The following RPS6KA2 variants were observed in gnomAD, a reference collection of about 807,000 sequenced individuals.
The protein encoded by RPS6KA2 is ribosomal protein S6 kinase A2.
A neutral mutation model predicts 91.8 loss-of-function variants in RPS6KA2; 42 were observed. The observed-to-expected ratio is 0.46, with a 90% CI of 0.36 to 0.59. The LOEUF (loss-of-function observed/expected upper bound fraction) is 0.59. Among genes scored for constraint, RPS6KA2 ranks in the 20% least tolerant of loss-of-function variants. The pLI, the probability that RPS6KA2 is intolerant of heterozygous loss-of-function variation, is 0.00. For missense variants in RPS6KA2, 798 were observed against 978.5 expected (o/e 0.82, Z 2.46); for synonymous variants, 414 against 393.6 (o/e 1.05, Z -0.61).
chr6:166,839,693 GGGAGGAGAGGA>G (rs1780413795), intron 2 of RPS6KA2, among the ~76,000 whole-genome samples: 1 of 114,632 alleles, frequency 8.7e-6, no homozygotes, highest in African/African-American at 3.4e-5. Context: ...GAGAGGAGAG[GGGAGGAGAGGA>G]GAGGAGAGGA....
At chr6:166,710,080 C>T (rs1241207314) in intron 2 of RPS6KA2, among the ~76,000 whole-genome samples, 2 of 152,220 alleles carry the variant, frequency 1.3e-5, no homozygotes, top group East Asian at 1.9e-4. Flanking sequence ...CTGTTCACTT[C>T]TTAAATTATC....
At chr6:166,659,072 C>A (rs1363521940) in intron 2 of RPS6KA2, among the ~76,000 whole-genome samples, 1 of 151,044 alleles carries the variant, frequency 6.6e-6, no homozygotes, top group Non-Finnish European at 1.5e-5. Flanking sequence ...AACACCCCCC[C>A]TTTTGTGGCG....
chr6:166,734,835 A>G (rs192669377), intron 2 of RPS6KA2, among the ~76,000 whole-genome samples: 40 of 152,308 alleles, frequency 2.6e-4, no homozygotes, highest in African/African-American at 8.9e-4. Context: ...TTTGTCTCAT[A>G]AAATGTTAAA....
intron 2 of RPS6KA2, among the ~76,000 whole-genome samples, chr6:166,836,078 T>A (rs2128628039): frequency 6.6e-6 from 1 of 152,308 alleles, no homozygotes; most frequent in East Asian, 1.9e-4. Flanking sequence ...AAGTTCTACT[T>A]TTTTATGATG....
In RPS6KA2 at chr6:166,445,008, T is replaced by C. The variant is rs1369730241; in HGVS notation, c.1332+3716A>G. On this transcript the variant is annotated intron_variant, in intron 14 of 20. Transcript: ENST00000265678. This position sits in a 1 kb window ranked among gnomAD's most constrained non-coding sequence, Gnocchi z 4.5. Reference sequence around the variant, plus strand: ...ACTGGTTTCAGTAGAACCTTAAATGTAGTTTACGTTATTCAGGGTAATTAT... The same window carrying C: ...ACTGGTTTCAGTAGAACCTTAAATGCAGTTTACGTTATTCAGGGTAATTAT... Among the ~76,000 whole-genome samples the C allele has an allele frequency of 6.6e-6, 1 of 152,222 alleles. No homozygotes were observed. The highest frequency in any genetic ancestry group is 1.5e-5 in the Non-Finnish European group (1 of 68,042).
In RPS6KA2 at chr6:166,448,999, G is replaced by C; in HGVS notation, c.1207-150C>G. The C allele has an allele frequency of 1.2e-6, 1 of 840,398 alleles. No homozygotes were observed. The highest frequency in any genetic ancestry group is 1.9e-6 in the Non-Finnish European group (1 of 536,778). The allele number at this position is 840,398 out of a possible 1,614,324, so 52.1% of individuals were successfully genotyped here. On this transcript the variant is annotated intron_variant, in intron 13 of 20. Coordinates refer to ENST00000265678, the MANE Select transcript of RPS6KA2 (RefSeq NM_021135.6). The surrounding 1 kb of genome is among the most constrained non-coding windows in gnomAD (Gnocchi z 4.7). ...GGAGCTCATGGGTCCCCCTGCCCAA[G>C]GCTGCAGAGCTACTTAGTGATGTTC...
In RPS6KA2 at chr6:166,430,606, A is replaced by G. The variant is rs1374549686; in HGVS notation, c.1428T>C (p.Tyr476=). The stretch of plus-strand genomic sequence containing the variant: ...CCAGGTACACAAACTTGCCATCATC[A>G]TAGACCTGCGGAGTGGAGAAGGGGC... ...HPNIITLKDV[Y]DDGKFVYLVM... The change falls in exon 16 of 21, where the codon TAT becomes TAC. Residue 476 remains tyrosine, a synonymous_variant. Coordinates refer to ENST00000265678, the MANE Select transcript of RPS6KA2 (RefSeq NM_021135.6). 17 of 1,612,828 alleles carry G rather than the reference A, an allele frequency of 1.1e-5. No individual in the cohort carries two copies. The Admixed American group carries it at 2.8e-4, about 27-fold the overall frequency.
rs1781706240 is a variant in RPS6KA2, at chr6:166,494,287, G to C, written c.748-3546C>G. On this transcript the variant is annotated intron_variant, in intron 8 of 20. Transcript: ENST00000265678. This position sits in a 1 kb window ranked among gnomAD's most constrained non-coding sequence, Gnocchi z 5.1. The stretch of plus-strand genomic sequence containing the variant: ...CTCCGTGTGCTGCACCCCACTCCGA[G>C]TGCCAAGAATCTCAGTCTCAAAACA... 6.6e-6 allele frequency among the ~76,000 whole-genome samples: 1 copy of C among 152,162 alleles called. No individual in the cohort carries two copies. The highest frequency in any genetic ancestry group is 1.5e-5 in the Non-Finnish European group (1 of 68,036).
At chr6:166,620,600 T>G (rs890291460) in intron 1 of RPS6KA2, among the ~76,000 whole-genome samples, 1 of 152,226 alleles carries the variant, frequency 6.6e-6, no homozygotes, top group Non-Finnish European at 1.5e-5. Context: ...AGATGTGTAT[T>G]CAAAGGGGCA....
At chr6:166,630,324 C>T (rs1477020762), upstream of RPS6KA2, among the ~76,000 whole-genome samples, 1 of 152,252 alleles carries the variant, frequency 6.6e-6, no homozygotes, top group Non-Finnish European at 1.5e-5. Flanking sequence ...TCAAGTACCA[C>T]AAATGTCTGT....
rs532453580 is a variant in RPS6KA2, at chr6:166,662,105, T to C, written c.124-123321A>G. 6.6e-6 allele frequency among the ~76,000 whole-genome samples: 1 copy of C among 152,386 alleles called. No individual in the cohort carries two copies. Among genetic ancestry groups the C allele is most frequent in the Admixed American group, 6.5e-5 (1 of 15,308 alleles). On this transcript the variant is annotated intron_variant, in intron 2 of 21. Transcript: ENST00000503859. This position sits in a 1 kb window ranked among gnomAD's most constrained non-coding sequence, Gnocchi z 4.3. ...GTAAAGATAGGGGTTGTTTATCATA[T>C]TATGAATATTTCTTAATTTTTACCT...
intron 12 of RPS6KA2, 34 bp from the exon 13 acceptor site, chr6:166,451,267 G>A (rs1313689377): frequency 2.5e-6 from 4 of 1,611,748 alleles, no homozygotes; most frequent in East Asian, 2.2e-5. Flanking sequence ...CAGATGCCAC[G>A]AAAGCTGGGT....
At chr6:166,449,739 G>A (rs1201129530) in intron 13 of RPS6KA2, among the ~76,000 whole-genome samples, 1 of 151,616 alleles carries the variant, frequency 6.6e-6, no homozygotes, top group African/African-American at 2.4e-5. Context: ...AGGAGCAAGG[G>A]CTCAGAACAC....
intron 1 of RPS6KA2, among the ~76,000 whole-genome samples, chr6:166,543,921 T>A (rs189280254): frequency 2.0e-5 from 3 of 152,360 alleles, no homozygotes; most frequent in Admixed American, 2.0e-4. Context: ...TGGAGCTCCT[T>A]AAAGTCCCAG....
At chr6:166,582,500 A>T (rs1426977391) in intron 1 of RPS6KA2, among the ~76,000 whole-genome samples, 1 of 152,238 alleles carries the variant, frequency 6.6e-6, no homozygotes, top group African/African-American at 2.4e-5. Context: ...TTTTACGATC[A>T]CAAATTACAT....
rs111780977 is a variant in RPS6KA2, at chr6:166,754,363, C to G, written c.123+103837G>C. Among the ~76,000 whole-genome samples, 199 of 152,310 alleles carry G rather than the reference C, an allele frequency of 1.3e-3. 1 individual carries two copies. The highest frequency in any genetic ancestry group is 4.7e-3 in the African/African-American group (195 of 41,578). Reference sequence around the variant, plus strand: ...GGGGACCACTCAGGGATGCACTGAGCCTGTCTGGAGGCAGAGGGGTGCAGG... The same window carrying G: ...GGGGACCACTCAGGGATGCACTGAGGCTGTCTGGAGGCAGAGGGGTGCAGG... On this transcript the variant is annotated intron_variant, in intron 2 of 21. Transcript: ENST00000503859.
In RPS6KA2 at chr6:166,767,887, CTGTT is replaced by C. The variant is rs974478792; in HGVS notation, c.123+90309_123+90312del. Reference sequence around the variant, plus strand: ...CTAACCATGGCAGAGCCTGCTCTCACTGTTTGGGTGCAAACCTTGGGGGTTTTAT... The same window carrying C: ...CTAACCATGGCAGAGCCTGCTCTCACTGGGTGCAAACCTTGGGGGTTTTAT... On this transcript the variant is annotated intron_variant, in intron 2 of 21. Coordinates refer to the RPS6KA2 transcript ENST00000503859. The surrounding 1 kb of genome is among the most constrained non-coding windows in gnomAD (Gnocchi z 4.6). Among the ~76,000 whole-genome samples the C allele has an allele frequency of 1.1e-4, 16 of 152,176 alleles. No individual in the cohort carries two copies. The highest frequency in any genetic ancestry group is 3.9e-4 in the African/African-American group (16 of 41,434).
chr6:166,750,801 T>C (rs901170800), intron 2 of RPS6KA2, among the ~76,000 whole-genome samples: 4 of 152,130 alleles, frequency 2.6e-5, no homozygotes, highest in African/African-American at 9.7e-5. Context: ...TAGCTGAGAA[T>C]TGGTCTAAAG....
intron 2 of RPS6KA2, among the ~76,000 whole-genome samples, chr6:166,721,813 TGCCAGCTCAGAGGAGGAGCCGG>T (rs1790182209): frequency 5.9e-4 from 1 of 1,690 alleles, no homozygotes; most frequent in Non-Finnish European, 9.0e-4. Context: ...CCCCAGGAGG[TGCCAGCTCAGAGGAGGAGCCGG>T]TGCCAGCTCA....
Sources: gnomAD v4.1 joint callset for allele counts (sites outside exome capture counted in the v4.1 genomes callset) on GRCh38, gnomAD v4.1.1 for gene constraint, Gnocchi (gnomAD v3.1) non-coding constraint, MANE v1.5 for transcripts, NCBI Gene and HGNC (gene_info 2026-07-23, HGNC 2026-07-21) for gene names.